The following GABBR2 variants were observed in gnomAD, a reference collection of about 807,000 sequenced individuals.
GABBR2 encodes the protein G-protein coupled receptor 51.
In GABBR2, 23 loss-of-function variants were observed where a neutral mutation model predicts 105.6. That is an observed-to-expected ratio of 0.22 (90% CI 0.16 to 0.31). GABBR2 has a LOEUF of 0.31. Ranked by LOEUF, GABBR2 falls within the 10% of genes least tolerant of loss-of-function variation. The pLI is 1.00. For missense variants in GABBR2, 734 were observed against 1,245.5 expected (o/e 0.59, Z 6.18); for synonymous variants, 478 against 499.7 (o/e 0.96, Z 0.58).
chr9:98,618,190 T>G (rs539611431), intron 1 of GABBR2, among the ~76,000 whole-genome samples: 4 of 152,320 alleles, frequency 2.6e-5, no homozygotes, highest in Admixed American at 2.0e-4. Context: ...TCAGACTTCA[T>G]GAAGGGCATC....
chr9:98,310,824 G>C (rs537627882), intron 14 of GABBR2, among the ~76,000 whole-genome samples: 4 of 152,270 alleles, frequency 2.6e-5, no homozygotes, highest in Middle Eastern at 3.4e-3. Flanking sequence ...TTACTCTCTG[G>C]TTAAGATCTT....
intron 1 of GABBR2, among the ~76,000 whole-genome samples, chr9:98,647,096 C>T (rs1010340844): frequency 6.6e-6 from 1 of 152,182 alleles, no homozygotes; most frequent in African/African-American, 2.4e-5. Flanking sequence ...TTAGGGTACG[C>T]TTCTAAATAA....
Position 98,303,361 on chromosome 9 carries a change from C to G in GABBR2, c.2292G>C (p.Gln764His). 1 of 1,614,192 alleles carries G rather than the reference C, an allele frequency of 6.2e-7. No individual in the cohort carries two copies. The highest frequency in any genetic ancestry group is 8.5e-7 in the Non-Finnish European group (1 of 1,179,996). The change falls in exon 16 of 19, where the codon CAG becomes CAC. Residue 764 changes from glutamine to histidine, a missense_variant. Gln to His is a conservative substitution (Grantham distance 24, BLOSUM62 0). Transcript: ENST00000259455. ...TTTTAGAATCTTCTTTCTTCTGATT[C>G]TGAGTGAACTGGAATCGCCTGTTCT... The part of the protein sequence containing the change: ...ATQNRRFQFT[Q>H]NQKKEDSKTS...
chr9:98,559,177 T>C (rs181503490), intron 2 of GABBR2, among the ~76,000 whole-genome samples: 55 of 152,356 alleles, frequency 3.6e-4, no homozygotes, highest in African/African-American at 1.3e-3. Context: ...TTGCCCAGGC[T>C]GAAGTGCAGT....
intron 7 of GABBR2, among the ~76,000 whole-genome samples, chr9:98,406,836 A>G (rs539378432): frequency 6.6e-6 from 1 of 152,332 alleles, no homozygotes; most frequent in East Asian, 1.9e-4. Context: ...TAAATATATC[A>G]GGAATTTAGA....
chr9:98,352,630 C>A (rs570150777), intron 13 of GABBR2, among the ~76,000 whole-genome samples: 2 of 152,168 alleles, frequency 1.3e-5, no homozygotes, highest in Admixed American at 6.5e-5. Flanking sequence ...TCCTCAAGAT[C>A]CCTGAAGGTG....
In GABBR2 at chr9:98,290,677, G is replaced by T; in HGVS notation, c.2733C>A (p.Asp911Glu). ...TGACGCAGGGGCTGACACAGCTGGC[G>T]TCCACGCCTCCGATGGATGGGAGGT... ...HAYLPSIGGV[D>E]ASCVSPCVSP... The change falls in exon 19 of 19, where the codon GAC (aspartate) becomes GAA (glutamate). Residue 911 changes from aspartate (D) to glutamate (E), a missense_variant. Physicochemically the swap from Asp to Glu is conservative, Grantham distance 45. This residue lies in a region of GABBR2 where 134 missense variants were observed against 171.2 expected (regional missense o/e 0.78). Transcript: ENST00000259455. 1 of 1,479,452 alleles carries T rather than the reference G, an allele frequency of 6.8e-7. No individual in the cohort carries two copies. The highest frequency in any genetic ancestry group is 8.9e-7 in the Non-Finnish European group (1 of 1,125,852). 91.6% of individuals were successfully genotyped at this position (1,479,452 alleles called of 1,614,324 possible). A position where few individuals can be genotyped will look rare whatever the true frequency, so the allele number is the denominator to read the frequency against.
At chr9:98,490,556 G>C (rs1827156231) in intron 4 of GABBR2, among the ~76,000 whole-genome samples, 1 of 152,126 alleles carries the variant, frequency 6.6e-6, no homozygotes, top group Non-Finnish European at 1.5e-5. Flanking sequence ...AAAATATTTG[G>C]TCTCCAGAGC....
At chr9:98,389,373 C>T (rs747731608) in intron 9 of GABBR2, among the ~76,000 whole-genome samples, 5 of 152,176 alleles carry the variant, frequency 3.3e-5, no homozygotes, top group South Asian at 2.1e-4. Context: ...TGGGTGCCTT[C>T]GGGGATGAAG....
chr9:98,479,007 T>C (rs1034461100), intron 5 of GABBR2, among the ~76,000 whole-genome samples: 4 of 152,164 alleles, frequency 2.6e-5, no homozygotes, highest in Admixed American at 6.5e-5. Context: ...TTATTTTCCT[T>C]TTTAAAGTGG....
intron 13 of GABBR2, among the ~76,000 whole-genome samples, chr9:98,330,411 C>G (rs1347776894): frequency 6.6e-6 from 1 of 152,174 alleles, no homozygotes; most frequent in African/African-American, 2.4e-5. Context: ...ACAAAAAAAT[C>G]ACAGAAATGG....
intron 7 of GABBR2, among the ~76,000 whole-genome samples, chr9:98,420,510 T>A (rs1029391895): frequency 1.8e-4 from 28 of 152,162 alleles, no homozygotes; most frequent in African/African-American, 6.5e-4. Context: ...TGGCTGTGCA[T>A]CAGACTAGGC....
chr9:98,385,084 C>T (rs1832047242), intron 11 of GABBR2, among the ~76,000 whole-genome samples: 1 of 152,188 alleles, frequency 6.6e-6, no homozygotes, highest in Non-Finnish European at 1.5e-5. Context: ...CTTAAACGAT[C>T]CTGACCCTGA....
chr9:98,290,506 G>T lies in GABBR2; in HGVS notation c.*78C>A. 9.5e-7 allele frequency: 1 copy of T among 1,056,156 alleles called. No homozygotes were observed. The highest frequency in any genetic ancestry group is 1.2e-6 in the Non-Finnish European group (1 of 805,946). The allele number at this position is 1,056,156 out of a possible 1,614,324, so 65.4% of individuals were successfully genotyped here. On this transcript the variant is annotated 3_prime_UTR_variant, in exon 19 of 19. Coordinates refer to ENST00000259455, the MANE Select transcript of GABBR2 (RefSeq NM_005458.8). ...GCCCAGCTTCTCCGCAGCCAGAGCC[G>T]ACAGTGTTTCTGCAGCAGACCCCTC...
In GABBR2 at chr9:98,688,555, G is replaced by A. The variant is rs1830648925; in HGVS notation, c.321+19862C>T. On this transcript the variant is annotated intron_variant, in intron 1 of 18. Coordinates refer to ENST00000259455, the MANE Select transcript of GABBR2 (RefSeq NM_005458.8). Reference sequence around the variant, plus strand: ...TCTCATTGAAAAATCATTAGATTTTGTCAAATATCTTCAAAGAATTCACAT... The same window carrying A: ...TCTCATTGAAAAATCATTAGATTTTATCAAATATCTTCAAAGAATTCACAT... 3.3e-5 allele frequency among the ~76,000 whole-genome samples: 5 copies of A among 152,164 alleles called. No homozygotes were observed. The South Asian group carries it at 1.0e-3, about 32-fold the overall frequency.
chr9:98,482,042 C>T (rs1367944777), intron 4 of GABBR2, among the ~76,000 whole-genome samples: 1 of 152,192 alleles, frequency 6.6e-6, no homozygotes, highest in African/African-American at 2.4e-5. Context: ...GGAGACCAGC[C>T]AGGCCCTGGC....
intron 1 of GABBR2, among the ~76,000 whole-genome samples, chr9:98,672,254 C>T (rs1056460434): frequency 2.0e-5 from 3 of 152,094 alleles, no homozygotes; most frequent in Non-Finnish European, 4.4e-5. Context: ...TTCCACTTCC[C>T]GTCTCTGTGA....
intron 13 of GABBR2, among the ~76,000 whole-genome samples, chr9:98,321,605 G>A (rs1292327682): frequency 6.6e-6 from 1 of 152,152 alleles, no homozygotes; most frequent in Non-Finnish European, 1.5e-5. Context: ...TGGGCGGTGG[G>A]GACCACTGTA....
intron 11 of GABBR2, among the ~76,000 whole-genome samples, chr9:98,376,704 C>T (rs537992082): frequency 5.3e-5 from 8 of 152,224 alleles, no homozygotes; most frequent in Admixed American, 2.0e-4. Context: ...CAGAAGACCC[C>T]GTCTTGCTCA....
Sources: allele counts gnomAD v4.1 joint callset (sites outside exome capture counted in the v4.1 genomes callset), GRCh38; gene constraint gnomAD v4.1.1; regional missense constraint gnomAD v4.1.1; transcripts MANE v1.5; gene names NCBI Gene and HGNC (gene_info 2026-07-23, HGNC 2026-07-21).